The following REEP5 variants were observed in gnomAD, a reference collection of about 807,000 sequenced individuals.
REEP5 encodes receptor accessory protein 5.
Under a neutral mutation model 22.4 loss-of-function variants are expected in REEP5, and 24 were observed. That is an observed-to-expected ratio of 1.07 (90% CI 0.78 to 1.51). The LOEUF (loss-of-function observed/expected upper bound fraction) is 1.51. REEP5 is among the 40% of genes most tolerant of loss of function. The pLI, the probability that REEP5 is intolerant of heterozygous loss-of-function variation, is 0.00. For synonymous variants in REEP5, 103 were observed against 88.6 expected (o/e 1.16, Z -0.92); for missense variants, 252 against 233.0 (o/e 1.08, Z -0.53).
At chr5:112,919,937 T>C (rs1320875555) in intron 2 of REEP5, among the ~76,000 whole-genome samples, 2 of 152,368 alleles carry the variant, frequency 1.3e-5, no homozygotes, top group East Asian at 1.9e-4. Context: ...TGGACAATTA[T>C]ACAATCATAT....
chr5:112,894,751 C>G (rs148560021), intron 3 of REEP5: 1 of 152,138 alleles, frequency 6.6e-6, no homozygotes, highest in Non-Finnish European at 1.5e-5. Flanking sequence ...TTAGTGAATT[C>G]GTTGAGTTTT....
chr5:112,919,989 C>T (rs556771897), intron 2 of REEP5, among the ~76,000 whole-genome samples: 26 of 152,194 alleles, frequency 1.7e-4, no homozygotes, highest in African/African-American at 6.3e-4. Context: ...AATGTAACAC[C>T]GACCGCCTGA....
chr5:112,922,080 G>A lies in REEP5; in HGVS notation c.111C>T (p.Ile37=), dbSNP rs1316440052. The A allele has an allele frequency of 6.3e-7, 1 of 1,599,604 alleles. No homozygotes were observed. The highest frequency in any genetic ancestry group is 2.3e-5 in the East Asian group (1 of 43,166). Residue 37 remains isoleucine, a synonymous_variant, in exon 1 of 5, where the codon ATC becomes ATT. Coordinates refer to ENST00000379638, the MANE Select transcript of REEP5 (RefSeq NM_005669.5). ...CGACCCCCGGCCACCCACCAAGAGC[G>A]ATGAAGCTCCTGTTCACGCCGGTTT... ...EAKTGVNRSF[I]ALGVIGLVAL...
intron 2 of REEP5, among the ~76,000 whole-genome samples, chr5:112,917,215 C>T (rs1276931233): frequency 3.9e-5 from 6 of 152,194 alleles, no homozygotes; most frequent in African/African-American, 1.2e-4. Flanking sequence ...TCATGCCCCG[C>T]CCCCTAAACA....
intron 2 of REEP5, among the ~76,000 whole-genome samples, chr5:112,913,775 C>T (rs1248150943): frequency 6.6e-6 from 1 of 152,116 alleles, no homozygotes; most frequent in Non-Finnish European, 1.5e-5. Flanking sequence ...GAATTGGTCC[C>T]AACACACCTG....
rs1768396321 is a variant in REEP5, at chr5:112,890,290, A to C, written c.352-3107T>G. On this transcript the variant is annotated intron_variant, in intron 3 of 4. Coordinates refer to ENST00000379638, the MANE Select transcript of REEP5 (RefSeq NM_005669.5). ...TGGTGAGACAGCAAGACCCTGTCTCAAAAAGACAAAAAAAAGTTGATATAT... is the reference window on the plus strand; with the variant it reads ...TGGTGAGACAGCAAGACCCTGTCTCCAAAAGACAAAAAAAAGTTGATATAT... 2.7e-5 allele frequency among the ~76,000 whole-genome samples: 4 copies of C among 150,396 alleles called. 1 individual carries two copies. The South Asian group carries it at 8.4e-4, about 32-fold the overall frequency.
chr5:112,892,525 T>C (rs1479841886), intron 3 of REEP5: 1 of 1,614,040 alleles, frequency 6.2e-7, no homozygotes, highest in Non-Finnish European at 8.5e-7. Flanking sequence ...TAACGGACGA[T>C]GGTATGCAGG....
chr5:112,896,085 G>C (rs1768671511), intron 3 of REEP5: 1 of 152,666 alleles, frequency 6.6e-6, no homozygotes, highest in African/African-American at 2.4e-5. Flanking sequence ...ACGGAACTGA[G>C]AGTTAATGTC....
At chr5:112,913,089 A>G (rs1769141874) in intron 2 of REEP5, among the ~76,000 whole-genome samples, 1 of 152,188 alleles carries the variant, frequency 6.6e-6, no homozygotes, top group Non-Finnish European at 1.5e-5. Context: ...GGATCACCTA[A>G]GGTCATGAGT....
intron 2 of REEP5, among the ~76,000 whole-genome samples, chr5:112,915,166 C>G (rs1425035422): frequency 6.6e-6 from 1 of 150,978 alleles, no homozygotes; most frequent in Non-Finnish European, 1.5e-5. Flanking sequence ...GAGGCTACGA[C>G]AGAAAGAAGG....
At chr5:112,901,942 G>A (rs369909948) in intron 3 of REEP5, among the ~76,000 whole-genome samples, 2 of 145,206 alleles carry the variant, frequency 1.4e-5, no homozygotes, top group South Asian at 2.2e-4. Flanking sequence ...TAGCCTGGGC[G>A]ACGGAGCAAG....
Position 112,877,406 on chromosome 5 carries a change from G to A in REEP5, c.*1380C>T, listed in dbSNP as rs905667811. 6.6e-6 allele frequency: 1 copy of A among 152,144 alleles called. No homozygotes were observed. The allele number at this position is 152,144 out of a possible 1,614,324, so 9.4% of individuals were successfully genotyped here. ...ATTCAAAAGGACTCTTAACAGTATG[G>A]TGTAAAACTCAGATTTTCTAGTCCA... On this transcript the variant is annotated 3_prime_UTR_variant, in exon 5 of 5. Transcript: ENST00000379638.
At chr5:112,910,328 C>T (rs1362362693) in intron 2 of REEP5, among the ~76,000 whole-genome samples, 2 of 151,988 alleles carry the variant, frequency 1.3e-5, no homozygotes, top group African/African-American at 2.4e-5. Flanking sequence ...AAAAACATAC[C>T]CCTCTTGTAG....
intron 3 of REEP5, chr5:112,893,131 C>A: frequency 1.2e-6 from 1 of 864,282 alleles, no homozygotes; most frequent in Non-Finnish European, 1.7e-6. Context: ...TGGACCAGGC[C>A]AGGTATAGTG....
chr5:112,884,385 C>A (rs912029894), intron 4 of REEP5, among the ~76,000 whole-genome samples: 1 of 149,396 alleles, frequency 6.7e-6, no homozygotes, highest in Non-Finnish European at 1.5e-5. Context: ...TTACCATTTT[C>A]TATTTTTTTT....
chr5:112,884,222 G>A (rs1768162219), intron 4 of REEP5, among the ~76,000 whole-genome samples: 1 of 152,044 alleles, frequency 6.6e-6, no homozygotes, highest in Admixed American at 6.6e-5. Context: ...TGGCCTATAA[G>A]GCATTATGTG....
chr5:112,891,764 G>A (rs527236867), intron 3 of REEP5: 9 of 1,614,034 alleles, frequency 5.6e-6, no homozygotes, highest in Middle Eastern at 3.3e-4. Context: ...GAACTTGCTC[G>A]ACTGAGAGAC....
intron 2 of REEP5, among the ~76,000 whole-genome samples, chr5:112,914,637 T>C (rs1769192149): frequency 6.6e-6 from 1 of 152,196 alleles, no homozygotes; most frequent in Non-Finnish European, 1.5e-5. Context: ...CAGATTGGTA[T>C]CATAAAGTTT....
intron 2 of REEP5, among the ~76,000 whole-genome samples, chr5:112,903,222 T>C (rs1049163076): frequency 6.6e-6 from 1 of 152,236 alleles, no homozygotes; most frequent in Non-Finnish European, 1.5e-5. Flanking sequence ...GTCCTAGGAA[T>C]CTCATTATTC....
Sources: gnomAD v4.1 joint callset for allele counts (sites outside exome capture counted in the v4.1 genomes callset) on GRCh38, gnomAD v4.1.1 for gene constraint, MANE v1.5 for transcripts, NCBI Gene and HGNC (gene_info 2026-07-23, HGNC 2026-07-21) for gene names.